TARS3: variants seen among roughly 807,000 people sequenced by gnomAD.
The protein encoded by TARS3 is threonyl-tRNA synthetase 3.
In TARS3, 94 loss-of-function variants were observed where a neutral mutation model predicts 103.5. That is an observed-to-expected ratio of 0.91 (90% confidence interval 0.77 to 1.08). The LOEUF (loss-of-function observed/expected upper bound fraction) is 1.08. Among genes scored for constraint, TARS3 ranks in the 50% least tolerant of loss-of-function variants. TARS3 has a pLI of 0.00. For missense variants in TARS3, 952 were observed against 995.2 expected (o/e 0.96, Z 0.58); for synonymous variants, 416 against 355.4 (o/e 1.17, Z -1.92).
At chr15:101,687,672 G>T (rs1898532514) in intron 10 of TARS3, among the ~76,000 whole-genome samples, 1 of 152,146 alleles carries the variant, frequency 6.6e-6, no homozygotes, top group Non-Finnish European at 1.5e-5. Context: ...GTTTAGAAAT[G>T]ATTTTAAACT....
intron 16 of TARS3, among the ~76,000 whole-genome samples, chr15:101,658,201 A>G (rs1348703658): frequency 2.6e-5 from 4 of 151,708 alleles, no homozygotes; most frequent in Non-Finnish European, 5.9e-5. Context: ...CGTCCATAGC[A>G]GCTTTATTTA....
At position 101,682,370 on chromosome 15, in the gene TARS3, C is replaced by T. The variant is rs7174698; in HGVS notation, c.1650+1705G>A. On this transcript the variant is annotated intron_variant, in intron 12 of 18. Coordinates refer to ENST00000335968, the MANE Select transcript of TARS3 (RefSeq NM_152334.3). ...TTTTGCCAAATACTTTTCCCTGCATCTACTGAGAAGATAATATGCTTTTTG... is the reference window on the plus strand; with the variant it reads ...TTTTGCCAAATACTTTTCCCTGCATTTACTGAGAAGATAATATGCTTTTTG... Among the ~76,000 whole-genome samples, 304 of 152,190 alleles carry T rather than the reference C, an allele frequency of 2.0e-3. 2 individuals are homozygous for T. The highest frequency in any genetic ancestry group is 6.9e-3 in the African/African-American group (288 of 41,532).
intron 10 of TARS3, among the ~76,000 whole-genome samples, chr15:101,693,425 C>T (rs1452842069): frequency 1.3e-5 from 2 of 152,086 alleles, no homozygotes; most frequent in Non-Finnish European, 2.9e-5. Context: ...GGAAACCACC[C>T]CCACGATTCA....
At chr15:101,709,462 C>G (rs761181444) in intron 5 of TARS3, among the ~76,000 whole-genome samples, 2 of 152,210 alleles carry the variant, frequency 1.3e-5, no homozygotes, top group Non-Finnish European at 2.9e-5. Context: ...ATCCCCACAC[C>G]AGGACAGTCC....
chr15:101,655,960 T>C (rs979733499), intron 18 of TARS3: 1 of 1,289,108 alleles, frequency 7.8e-7, no homozygotes, highest in African/African-American at 1.5e-5. Flanking sequence ...GTGACCCATA[T>C]TGTGAGATGA....
Position 101,724,374 on chromosome 15 carries a change from G to A in TARS3, c.14C>T (p.Ala5Val), listed in dbSNP as rs1333894863. 15 of 1,513,476 alleles carry A rather than the reference G, an allele frequency of 9.9e-6. No individual in the cohort carries two copies. The South Asian group carries it at 1.6e-4, about 16-fold the overall frequency. The allele number at this position is 1,513,476 out of a possible 1,614,324, so 93.8% of individuals were successfully genotyped here. MAAE[A>V]LAAEAVASRL... Reference sequence around the variant, plus strand: ...CGACGCCACGGCCTCCGCCGCCAGGGCCTCGGCCGCCATCGCGGCCTCCCT... The same window carrying A: ...CGACGCCACGGCCTCCGCCGCCAGGACCTCGGCCGCCATCGCGGCCTCCCT... The change falls in exon 1 of 19, where the codon GCC (alanine) becomes GTC (valine). Residue 5 changes from alanine to valine, a missense_variant. By Grantham distance (64) the Ala-to-Val change is moderately conservative. Transcript: ENST00000335968.
intron 10 of TARS3, among the ~76,000 whole-genome samples, chr15:101,696,916 C>T (rs1178628290): frequency 1.3e-5 from 2 of 152,162 alleles, no homozygotes; most frequent in Non-Finnish European, 2.9e-5. Flanking sequence ...GGGATGCCTC[C>T]GTGTCCTCCA....
chr15:101,671,746 T>C lies in TARS3; in HGVS notation c.1791A>G (p.Gln597=), dbSNP rs756025261. The change falls in exon 14 of 19, where the codon CAA becomes CAG. Residue 597 remains glutamine, a splice_region_variant and synonymous_variant. Transcript: ENST00000335968. ...CAAAGTCCATCAAGCTGTTCTGCAG[T>C]TGCTTTTTCAAAAGAAGAAAAAAGA... is the stretch of plus-strand genomic sequence containing the variant. ...EIEMWNEAEK[Q]LQNSLMDFGE... 11 of 1,612,124 alleles carry C rather than the reference T, an allele frequency of 6.8e-6. No individual in the cohort carries two copies. The highest frequency in any genetic ancestry group is 1.3e-5 in the African/African-American group (1 of 74,952).
intron 10 of TARS3, among the ~76,000 whole-genome samples, chr15:101,696,963 T>C (rs1899011837): frequency 6.6e-6 from 1 of 152,192 alleles, no homozygotes; most frequent in South Asian, 2.1e-4. Context: ...TTTAAATGCA[T>C]TGTCTCCACC....
chr15:101,714,244 C>G (rs918209060), intron 4 of TARS3, among the ~76,000 whole-genome samples: 6 of 152,090 alleles, frequency 3.9e-5, no homozygotes, highest in African/African-American at 1.4e-4. Flanking sequence ...GGCCTACTAA[C>G]AATTCATTTC....
At chr15:101,694,264 T>C (rs1183802048) in intron 10 of TARS3, among the ~76,000 whole-genome samples, 2 of 152,222 alleles carry the variant, frequency 1.3e-5, no homozygotes, top group Admixed American at 6.5e-5. Context: ...GTGGGAGCAG[T>C]GTGCACACCC....
Position 101,701,047 on chromosome 15 carries a change from G to A in TARS3, c.1320+39C>T, listed in dbSNP as rs769712841. The stretch of plus-strand genomic sequence containing the variant: ...AGAGAAAATAGTAAAAATGTAAACT[G>A]GAATTGAATAAGAATAAAACATTTT... On this transcript the variant is annotated intron_variant, in intron 10 of 18. Coordinates refer to ENST00000335968, the MANE Select transcript of TARS3 (RefSeq NM_152334.3). 3.1e-6 allele frequency: 4 copies of A among 1,291,704 alleles called. No homozygotes were observed. The Admixed American group carries it at 9.8e-5, about 32-fold the overall frequency. 80.0% of individuals were successfully genotyped at this position (1,291,704 alleles called of 1,614,324 possible).
intron 7 of TARS3, among the ~76,000 whole-genome samples, 171 bp downstream of exon 7, chr15:101,705,512 G>T (rs545204604): frequency 6.6e-6 from 1 of 152,266 alleles, no homozygotes; most frequent in East Asian, 1.9e-4. Flanking sequence ...TACTAAAAAG[G>T]GGAAAATAAT....
intron 16 of TARS3, among the ~76,000 whole-genome samples, chr15:101,658,311 CAA>C (rs36121104): frequency 2.1e-4 from 15 of 70,152 alleles, no homozygotes; most frequent in South Asian, 1.8e-3. Context: ...ACACCATCAG[CAA>C]AAAAAAAAAA....
Position 101,721,242 on chromosome 15 carries a change from G to C in TARS3, c.450C>G (p.Ala150=). 1 of 1,613,854 alleles carries C rather than the reference G, an allele frequency of 6.2e-7. No homozygotes were observed. The highest frequency in any genetic ancestry group is 1.7e-5 in the Admixed American group (1 of 60,006). ...ILKKDHQLLL[A]IYGKKGDTSN... ...TTGTATCCCCCTTTTTTCCATAAAT[G>C]GCAAGTAAGAGCTGATGGTCTTTCT... is the stretch of plus-strand genomic sequence containing the variant. Residue 150 remains alanine, a synonymous_variant, in exon 3 of 19, where the codon GCC becomes GCG. Transcript: ENST00000335968.
rs1004349317 is a variant in TARS3 at position 101,653,851 on chromosome 15, G to A, written c.*731C>T. ...AATCCATTTCAGTACATAAATCCAT[G>A]GAATGTCATCCCATCAAAAAAGTAA... On this transcript the variant is annotated 3_prime_UTR_variant, in exon 19 of 19. Coordinates refer to ENST00000335968, the MANE Select transcript of TARS3 (RefSeq NM_152334.3). 1.7e-4 allele frequency: 26 copies of A among 152,176 alleles called. No individual in the cohort carries two copies. The highest frequency in any genetic ancestry group is 6.3e-4 in the African/African-American group (26 of 41,450). The allele number at this position is 152,176 out of a possible 1,614,324, so 9.4% of individuals were successfully genotyped here.
At chr15:101,686,619 GTTTTAACTTTATTTAAAC>G (rs1898488104) in intron 10 of TARS3, among the ~76,000 whole-genome samples, 1 of 152,102 alleles carries the variant, frequency 6.6e-6, no homozygotes, top group African/African-American at 2.4e-5. Context: ...TCCAAGCAAA[GTTTTAACTTTATTTAAAC>G]TTTCTTTAAA....
At chr15:101,719,586 G>T (rs1900344709) in intron 3 of TARS3, among the ~76,000 whole-genome samples, 1 of 152,186 alleles carries the variant, frequency 6.6e-6, no homozygotes, top group South Asian at 2.1e-4. Context: ...TTACAGCTAG[G>T]CATAGCCATG....
chr15:101,657,563 GAT>G (rs1379546141), intron 17 of TARS3, among the ~76,000 whole-genome samples: 2 of 152,170 alleles, frequency 1.3e-5, no homozygotes, highest in African/African-American at 4.8e-5. Flanking sequence ...GAATAATTAT[GAT>G]ATGTTTTAAA....
Sources: gnomAD v4.1 joint callset for allele counts (sites outside exome capture counted in the v4.1 genomes callset) on GRCh38, gnomAD v4.1.1 for gene constraint, MANE v1.5 for transcripts, NCBI Gene and HGNC (gene_info 2026-07-23, HGNC 2026-07-21) for gene names.